Variants in BMPR2 observed in about 807,000 individuals in gnomAD.
BMPR2 encodes the protein bone morphogenetic protein receptor type-2.
A neutral mutation model predicts 100.8 loss-of-function variants in BMPR2; 29 were observed. The ratio of observed to expected loss-of-function variants is 0.29; its 90% CI spans 0.21 to 0.39. BMPR2 has a LOEUF of 0.39. Among genes scored for constraint, BMPR2 ranks in the 10% least tolerant of loss-of-function variants. The pLI, the probability that BMPR2 is intolerant of heterozygous loss-of-function variation, is 1.00. For missense variants in BMPR2, 1,011 were observed against 1,274.5 expected (o/e 0.79, Z 3.15); for synonymous variants, 382 against 442.3 (o/e 0.86, Z 1.71).
intron 7 of BMPR2, among the ~76,000 whole-genome samples, chr2:202,525,586 A>G (rs952465049): frequency 1.3e-5 from 2 of 152,190 alleles, no homozygotes; most frequent in African/African-American, 4.8e-5. Context: ...TTCTGTCTCC[A>G]TAAGTCCCAC....
intron 1 of BMPR2, among the ~76,000 whole-genome samples, chr2:202,420,650 G>T (rs1423753903): frequency 1.4e-5 from 2 of 140,026 alleles, no homozygotes; most frequent in Non-Finnish European, 3.0e-5. Flanking sequence ...GAGTTCAAGT[G>T]ATTCTCTTGC....
chr2:202,391,320 A>G (rs1001920430), intron 1 of BMPR2, among the ~76,000 whole-genome samples: 1 of 151,450 alleles, frequency 6.6e-6, no homozygotes, highest in Admixed American at 6.6e-5. Flanking sequence ...TTGTTTTTCA[A>G]TAAAATAGGG....
intron 3 of BMPR2, among the ~76,000 whole-genome samples, chr2:202,483,383 G>A (rs1183610653): frequency 6.6e-6 from 1 of 150,442 alleles, no homozygotes; most frequent in Non-Finnish European, 1.5e-5. Context: ...TTGTTTTTTT[G>A]TTTTTGTTTT....
Position 202,451,589 on chromosome 2 carries a change from C to T in BMPR2, c.77-13220C>T, listed in dbSNP as rs181701477. Among the ~76,000 whole-genome samples, 226 of 152,202 alleles carry T rather than the reference C, an allele frequency of 1.5e-3. 1 individual carries two copies. Among genetic ancestry groups the T allele is most frequent in the African/African-American group, 5.0e-3 (209 of 41,572 alleles). ...TGGCAGGTGCCTGTAATCCCAGCTA[C>T]TCGGGTGGCTGAGGCAGGAGAATTG... On this transcript the variant is annotated intron_variant, in intron 1 of 12. Coordinates refer to ENST00000374580, the MANE Select transcript of BMPR2 (RefSeq NM_001204.7).
chr2:202,530,591 TTAAC>T lies in BMPR2; in HGVS notation c.968-200_968-197del, dbSNP rs34994664. On this transcript the variant is annotated intron_variant, in intron 7 of 12. Coordinates refer to ENST00000374580, the MANE Select transcript of BMPR2 (RefSeq NM_001204.7). Reference sequence around the variant, plus strand: ...CATGTTTGTTAGTTTTAGTTAATGTTTAACTATACATGCAACAGGAGTTATATTA... The same window carrying T: ...CATGTTTGTTAGTTTTAGTTAATGTTTATACATGCAACAGGAGTTATATTA... 2.8e-3 allele frequency among the ~76,000 whole-genome samples: 429 copies of T among 152,306 alleles called. 2 individuals are homozygous for T. The highest frequency in any genetic ancestry group is 0.025 in the Admixed American group (382 of 15,290).
At position 202,532,310 on chromosome 2, in the gene BMPR2, T is replaced by C. The variant is rs2106019679; in HGVS notation, c.1129-275T>C. ...ACATATTGTTTTGCAATTTTCTCAC[T>C]GTATCTTACAGATTATTTATATTGA... On this transcript the variant is annotated intron_variant, in intron 8 of 12. Transcript: ENST00000374580. This position sits in a 1 kb window ranked among gnomAD's most constrained non-coding sequence, Gnocchi z 4.1. Among the ~76,000 whole-genome samples the C allele has an allele frequency of 6.6e-6, 1 of 152,326 alleles. No individual in the cohort carries two copies. The highest frequency in any genetic ancestry group is 1.9e-4 in the East Asian group (1 of 5,182).
At chr2:202,497,572 A>G (rs183048948) in intron 3 of BMPR2, among the ~76,000 whole-genome samples, 1 of 152,256 alleles carries the variant, frequency 6.6e-6, no homozygotes, top group Admixed American at 6.5e-5. Flanking sequence ...AGGGTCGACA[A>G]AGAGGAAAGC....
intron 3 of BMPR2, among the ~76,000 whole-genome samples, chr2:202,506,565 G>C (rs1033415309): frequency 6.6e-6 from 1 of 152,040 alleles, no homozygotes; most frequent in African/African-American, 2.4e-5. Flanking sequence ...ATACTGTCAC[G>C]TTGGGGATTT....
At chr2:202,446,326 A>G (rs1019077500) in intron 1 of BMPR2, among the ~76,000 whole-genome samples, 1 of 150,160 alleles carries the variant, frequency 6.7e-6, no homozygotes, top group African/African-American at 2.5e-5. Context: ...TGAACCTGGG[A>G]GGCAGAAGTT....
At position 202,514,959 on chromosome 2, in the gene BMPR2, G is replaced by T. The variant is rs1368819816; in HGVS notation, c.601G>T (p.Asp201Tyr). 1 of 1,614,086 alleles carries T rather than the reference G, an allele frequency of 6.2e-7. No individual in the cohort carries two copies. The highest frequency in any genetic ancestry group is 8.5e-7 in the Non-Finnish European group (1 of 1,180,002). The change falls in exon 5 of 13, where the codon GAT becomes TAT. Residue 201 changes from aspartate (D) to tyrosine (Y), a missense_variant. Coordinates refer to ENST00000374580, the MANE Select transcript of BMPR2 (RefSeq NM_001204.7). ...AGCATCCGAACCCTCTCTTGATCTA[G>T]ATAATCTGAAACTGTTGGAGGTAAG... ...AAASEPSLDL[D>Y]NLKLLELIGR...
intron 1 of BMPR2, among the ~76,000 whole-genome samples, chr2:202,378,715 T>C (rs1326336870): frequency 1.3e-5 from 2 of 152,216 alleles, no homozygotes; most frequent in African/African-American, 4.8e-5. Context: ...AACTTCTGAG[T>C]TTACTTTAAA....
intron 1 of BMPR2, among the ~76,000 whole-genome samples, chr2:202,424,145 G>A (rs185329625): frequency 2.6e-5 from 4 of 151,466 alleles, no homozygotes; most frequent in Admixed American, 2.0e-4. Context: ...AGGCCGAGGC[G>A]GGCAGATCAC....
chr2:202,548,100 G>A (rs973764075), intron 10 of BMPR2, among the ~76,000 whole-genome samples: 2 of 151,588 alleles, frequency 1.3e-5, no homozygotes, highest in African/African-American at 2.4e-5. Context: ...AAAAAAATGC[G>A]GCAACTCTTC....
intron 1 of BMPR2, among the ~76,000 whole-genome samples, chr2:202,446,369 G>A (rs542885274): frequency 4.0e-5 from 6 of 150,164 alleles, no homozygotes; most frequent in African/African-American, 1.5e-4. Flanking sequence ...TTGCACTCCA[G>A]CTGGGGCAAC....
intron 1 of BMPR2, among the ~76,000 whole-genome samples, chr2:202,457,542 T>TTATATATA (rs775599027): frequency 4.5e-5 from 6 of 134,048 alleles, no homozygotes; most frequent in African/African-American, 1.6e-4. Context: ...TAGCAATATT[T>TTATATATA]TATATATATA....
At position 202,532,527 on chromosome 2, in the gene BMPR2, T is replaced by A; in HGVS notation, c.1129-58T>A. The A allele has an allele frequency of 6.3e-7, 1 of 1,578,172 alleles. No individual in the cohort carries two copies. Among genetic ancestry groups the A allele is most frequent in the Non-Finnish European group, 8.7e-7 (1 of 1,148,690 alleles). On this transcript the variant is annotated intron_variant, in intron 8 of 12. Transcript: ENST00000374580. The surrounding 1 kb of genome is among the most constrained non-coding windows in gnomAD (Gnocchi z 4.1). ...TTTATATATAACTTCTGGTCTAATG[T>A]CTGTTCTTCAGAATATGCTACGTTC...
chr2:202,388,774 T>C (rs915223605), intron 1 of BMPR2, among the ~76,000 whole-genome samples: 4 of 146,308 alleles, frequency 2.7e-5, no homozygotes, highest in Non-Finnish European at 6.0e-5. Context: ...GGCGACACAG[T>C]GAGATTCAGT....
At chr2:202,530,766 T>C in intron 7 of BMPR2, 28 bp from the exon 8 acceptor site, 1 of 1,568,494 alleles carries the variant, frequency 6.4e-7, no homozygotes, top group Non-Finnish European at 8.8e-7. Context: ...TTTTATTCAT[T>C]GATAAATATT....
intron 1 of BMPR2, among the ~76,000 whole-genome samples, chr2:202,404,580 T>C (rs185662864): frequency 1.8e-4 from 27 of 152,294 alleles, no homozygotes; most frequent in Non-Finnish European, 3.1e-4. Context: ...AATTAATAGT[T>C]AATGAACATC....
Sources: allele counts gnomAD v4.1 joint callset (sites outside exome capture counted in the v4.1 genomes callset), GRCh38; gene constraint gnomAD v4.1.1; non-coding constraint Gnocchi (gnomAD v3.1); transcripts MANE v1.5; gene names NCBI Gene and HGNC (gene_info 2026-07-23, HGNC 2026-07-21).